The following SULF1 variants were observed in gnomAD, a reference collection of about 807,000 sequenced individuals.
SULF1 encodes extracellular sulfatase Sulf-1.
A neutral mutation model predicts 110.5 loss-of-function variants in SULF1; 46 were observed. The observed-to-expected ratio is 0.42, with a 90% confidence interval of 0.33 to 0.53. SULF1 has a LOEUF of 0.53. Among genes scored for constraint, SULF1 ranks in the 20% least tolerant of loss-of-function variants. The probability of loss-of-function intolerance (pLI) is 0.12; values close to 1 mark genes in which losing one functional copy is unlikely to be tolerated. For synonymous variants in SULF1, 371 were observed against 387.1 expected (o/e 0.96, Z 0.49); for missense variants, 941 against 1,094.2 (o/e 0.86, Z 1.98).
intron 3 of SULF1, among the ~76,000 whole-genome samples, chr8:69,551,336 T>C (rs1453728955): frequency 1.3e-5 from 2 of 152,190 alleles, no homozygotes; most frequent in Admixed American, 1.3e-4. Context: ...TTACTTCACA[T>C]ATGTCAAGAA....
At chr8:69,604,177 C>A (rs1298359189) in intron 12 of SULF1, among the ~76,000 whole-genome samples, 1 of 152,166 alleles carries the variant, frequency 6.6e-6, no homozygotes, top group Non-Finnish European at 1.5e-5. Context: ...AGAATAAATT[C>A]TCATAAGCTT....
chr8:69,539,664 CGCA>C lies in SULF1; in HGVS notation c.-133-23873_-133-23871del, dbSNP rs1563511736. ...AGAGGGAAAATAACTGTCCGATATGCGCAGGGCATTCCTCGAGTCTCGGGGAGG... is the reference window on the plus strand; with the variant it reads ...AGAGGGAAAATAACTGTCCGATATGCGGGCATTCCTCGAGTCTCGGGGAGG... On this transcript the variant is annotated intron_variant, in intron 3 of 22. Coordinates refer to ENST00000402687, the MANE Select transcript of SULF1 (RefSeq NM_001128205.2). Among the ~76,000 whole-genome samples the C allele has an allele frequency of 4.9e-4, 23 of 46,624 alleles. 1 individual carries two copies. Among genetic ancestry groups the C allele is most frequent in the African/African-American group, 1.3e-3 (23 of 17,902 alleles). 30.6% of individuals were successfully genotyped at this position (46,624 alleles called of 152,430 possible).
chr8:69,566,229 A>G (rs919103361), intron 5 of SULF1, among the ~76,000 whole-genome samples: 3 of 152,202 alleles, frequency 2.0e-5, no homozygotes, highest in Non-Finnish European at 2.9e-5. Flanking sequence ...AAATGGACCC[A>G]TAAGGCTCTA....
chr8:69,495,081 G>C lies in SULF1; in HGVS notation c.-390-684G>C, dbSNP rs192421818. Among the ~76,000 whole-genome samples, 407 of 152,248 alleles carry C rather than the reference G, an allele frequency of 2.7e-3. 1 individual carries two copies. The highest frequency in any genetic ancestry group is 4.2e-3 in the Non-Finnish European group (285 of 68,024). On this transcript the variant is annotated intron_variant, in intron 1 of 22. Transcript: ENST00000402687. ...TATTAGTTTTGGGCCTGGGCTACTG[G>C]GTAGTTGTAATAGAATACCATAGAA...
At chr8:69,566,679 C>T (rs11991441) in intron 5 of SULF1, among the ~76,000 whole-genome samples, 33,538 of 151,940 alleles carry the variant, frequency 0.22, 3,898 homozygotes, top group African/African-American at 0.29. Context: ...AGTGAAACCC[C>T]GTCTGTACTA....
intron 3 of SULF1, among the ~76,000 whole-genome samples, chr8:69,557,710 C>T (rs767814994): frequency 3.3e-5 from 5 of 152,334 alleles, no homozygotes; most frequent in Admixed American, 6.5e-5. Flanking sequence ...CTCTCCCTCA[C>T]CATACACCAG....
chr8:69,648,045 A>G (rs941526099), intron 22 of SULF1, among the ~76,000 whole-genome samples: 1 of 151,516 alleles, frequency 6.6e-6, no homozygotes, highest in Non-Finnish European at 1.5e-5. Flanking sequence ...ATCAAATTCC[A>G]TTTCAAGCTA....
chr8:69,479,697 C>T (rs1809437376), intron 1 of SULF1, among the ~76,000 whole-genome samples: 1 of 152,158 alleles, frequency 6.6e-6, no homozygotes, highest in South Asian at 2.1e-4. Context: ...CCTTAGAGAT[C>T]ATCTAAGCAG....
Position 69,658,817 on chromosome 8 carries a change from G to T in SULF1, c.*282G>T. Reference sequence around the variant, plus strand: ...TCTGCTGACTCAGATGAAGACCCAAGGCATAAGGTTGGGAAAACACCTCAT... The same window carrying T: ...TCTGCTGACTCAGATGAAGACCCAATGCATAAGGTTGGGAAAACACCTCAT... On this transcript the variant is annotated 3_prime_UTR_variant, in exon 23 of 23. Transcript: ENST00000402687. 1 of 605,546 alleles carries T rather than the reference G, an allele frequency of 1.7e-6. No homozygotes were observed. The highest frequency in any genetic ancestry group is 3.1e-6 in the Non-Finnish European group (1 of 323,076). 37.5% of individuals were successfully genotyped at this position (605,546 alleles called of 1,614,324 possible).
intron 22 of SULF1, among the ~76,000 whole-genome samples, chr8:69,651,051 CTTTTCTTTT>C (rs769556469): frequency 7.5e-6 from 1 of 134,164 alleles, no homozygotes; most frequent in South Asian, 2.5e-4. Flanking sequence ...TCTTTTTTTT[CTTTTCTTTT>C]TTTTTTTTTT....
At chr8:69,623,237 T>C (rs1353940269) in intron 14 of SULF1, among the ~76,000 whole-genome samples, 2 of 149,898 alleles carry the variant, frequency 1.3e-5, no homozygotes, top group Non-Finnish European at 3.0e-5. Flanking sequence ...AGTAATCCTC[T>C]ACTATTTGTA....
rs1810826458 is a variant in SULF1 at position 69,501,900 on chromosome 8, A to G, written c.-202A>G. On this transcript the variant is annotated 5_prime_UTR_variant, in exon 3 of 23. Coordinates refer to ENST00000402687, the MANE Select transcript of SULF1 (RefSeq NM_001128205.2). ...TGCTGACGGCCACCCACCATCATCT[A>G]AAGAAGATAAACTTGGCAAATGACA... 6.6e-6 allele frequency: 1 copy of G among 152,242 alleles called. No homozygotes were observed. Among genetic ancestry groups the G allele is most frequent in the African/African-American group, 2.4e-5 (1 of 41,466 alleles). 9.4% of individuals were successfully genotyped at this position (152,242 alleles called of 1,614,324 possible).
chr8:69,647,910 A>G (rs1231725962), intron 22 of SULF1, among the ~76,000 whole-genome samples: 1 of 151,448 alleles, frequency 6.6e-6, no homozygotes, highest in African/African-American at 2.4e-5. Context: ...AAAGAAATTT[A>G]TGGTATTTTT....
chr8:69,617,563 C>T (rs1809281888), intron 13 of SULF1, among the ~76,000 whole-genome samples: 1 of 150,698 alleles, frequency 6.6e-6, no homozygotes, highest in South Asian at 2.1e-4. Flanking sequence ...TCCACCACAC[C>T]CAGCTCTGAG....
At chr8:69,552,335 T>G (rs1814782566) in intron 3 of SULF1, among the ~76,000 whole-genome samples, 1 of 152,228 alleles carries the variant, frequency 6.6e-6, no homozygotes, top group Non-Finnish European at 1.5e-5. Context: ...CCTCAAAATC[T>G]AATTGCTAGA....
intron 11 of SULF1, 96 bp downstream of exon 11, chr8:69,603,416 A>G: frequency 6.3e-7 from 1 of 1,578,200 alleles, no homozygotes; most frequent in Admixed American, 1.7e-5. Context: ...GAGGCAGAAT[A>G]TGCCTTGCCC....
chr8:69,533,299 C>T (rs1393487369), intron 3 of SULF1, among the ~76,000 whole-genome samples: 1 of 152,158 alleles, frequency 6.6e-6, no homozygotes, highest in Non-Finnish European at 1.5e-5. Context: ...AGGTTTGTTA[C>T]ACAGGTACAC....
intron 8 of SULF1, among the ~76,000 whole-genome samples, chr8:69,593,167 C>A (rs1424604324): frequency 6.6e-6 from 1 of 152,158 alleles, no homozygotes; most frequent in Non-Finnish European, 1.5e-5. Context: ...CTGGCTGCTG[C>A]TGGAGGAAGG....
intron 1 of SULF1, among the ~76,000 whole-genome samples, chr8:69,494,855 G>A (rs565695209): frequency 6.6e-6 from 1 of 151,200 alleles, no homozygotes; most frequent in East Asian, 2.0e-4. Context: ...ACCTCAGCCT[G>A]GGTGACAAAG....
Sources: gnomAD v4.1 joint callset for allele counts (sites outside exome capture counted in the v4.1 genomes callset) on GRCh38, gnomAD v4.1.1 for gene constraint, MANE v1.5 for transcripts, NCBI Gene and HGNC (gene_info 2026-07-23, HGNC 2026-07-21) for gene names.